Variants in ADGRV1 observed in about 807,000 individuals in gnomAD.
The protein encoded by ADGRV1 is G-protein coupled receptor 98.
In ADGRV1, 359 loss-of-function variants were observed where a neutral mutation model predicts 596.2. The ratio of observed to expected loss-of-function variants is 0.60; its 90% CI spans 0.55 to 0.66. The LOEUF (loss-of-function observed/expected upper bound fraction) is 0.66, where lower values mean the gene tolerates loss of function less well. ADGRV1 is among the 30% of genes least tolerant of loss of function. ADGRV1 has a pLI of 0.00. For synonymous variants in ADGRV1, 2,681 were observed against 2,679.2 expected (o/e 1.00, Z -0.02); for missense variants, 7,274 against 7,575.6 (o/e 0.96, Z 1.48).
At chr5:90,976,742 T>C (rs1779649266) in intron 84 of ADGRV1, among the ~76,000 whole-genome samples, 1 of 152,178 alleles carries the variant, frequency 6.6e-6, no homozygotes, top group African/African-American at 2.4e-5. Context: ...AATTTTATGA[T>C]CACTTCCTGT....
At chr5:90,830,224 A>C (rs1317696070) in intron 77 of ADGRV1, among the ~76,000 whole-genome samples, 1 of 152,194 alleles carries the variant, frequency 6.6e-6, no homozygotes, top group African/African-American at 2.4e-5. Context: ...TTTACGACAG[A>C]GTCCACAGTG....
intron 83 of ADGRV1, among the ~76,000 whole-genome samples, chr5:90,867,376 A>G (rs1768228126): frequency 6.6e-6 from 1 of 152,180 alleles, no homozygotes; most frequent in South Asian, 2.1e-4. Flanking sequence ...CATTAACCGC[A>G]AGACTATAGC....
intron 70 of ADGRV1, among the ~76,000 whole-genome samples, chr5:90,799,546 A>G (rs923434172): frequency 1.3e-5 from 2 of 152,192 alleles, no homozygotes; most frequent in Non-Finnish European, 2.9e-5. Flanking sequence ...TCAAGCTACC[A>G]TTGACTTTCT....
chr5:90,606,463 A>G (rs887345780), intron 1 of ADGRV1, among the ~76,000 whole-genome samples: 3 of 152,188 alleles, frequency 2.0e-5, no homozygotes, highest in Non-Finnish European at 2.9e-5. Context: ...TTTTTGTTCT[A>G]AGGAGAGAAA....
intron 50 of ADGRV1, among the ~76,000 whole-genome samples, chr5:90,743,252 T>C (rs1171467460): frequency 1.3e-5 from 2 of 152,188 alleles, no homozygotes; most frequent in African/African-American, 4.8e-5. Context: ...AATTTATTGA[T>C]AGCCTTTTTA....
intron 21 of ADGRV1, among the ~76,000 whole-genome samples, chr5:90,667,017 G>A (rs1279285245): frequency 2.0e-5 from 3 of 152,096 alleles, no homozygotes; most frequent in Non-Finnish European, 4.4e-5. Flanking sequence ...AGGGTAACCC[G>A]ACCTTTCTCT....
intron 1 of ADGRV1, among the ~76,000 whole-genome samples, chr5:90,571,981 CATT>C (rs2151957097): frequency 6.6e-6 from 1 of 152,190 alleles, no homozygotes; most frequent in East Asian, 1.9e-4. Context: ...CTAGTTTTCT[CATT>C]ATTTTTATGG....
intron 59 of ADGRV1, among the ~76,000 whole-genome samples, chr5:90,771,458 G>T (rs1293275895): frequency 1.3e-5 from 2 of 152,134 alleles, no homozygotes; most frequent in Non-Finnish European, 2.9e-5. Flanking sequence ...AATAATGTTT[G>T]TGAAGAAACT....
chr5:90,828,687 T>A (rs1764265149), intron 76 of ADGRV1, among the ~76,000 whole-genome samples: 1 of 152,146 alleles, frequency 6.6e-6, no homozygotes, highest in African/African-American at 2.4e-5. Context: ...GTAGTAAACA[T>A]AGGTTGTTTC....
chr5:90,665,449 C>T (rs1314098430), intron 21 of ADGRV1, among the ~76,000 whole-genome samples: 1 of 152,102 alleles, frequency 6.6e-6, no homozygotes, highest in Non-Finnish European at 1.5e-5. Flanking sequence ...TCTGTGGGAT[C>T]AGTGGTGATA....
intron 85 of ADGRV1, among the ~76,000 whole-genome samples, chr5:91,033,613 C>T (rs1784648670): frequency 6.6e-6 from 1 of 152,110 alleles, no homozygotes; most frequent in African/African-American, 2.4e-5. Context: ...GCAAACAGGG[C>T]CCTGACACCT....
chr5:90,691,085 G>A lies in ADGRV1; in HGVS notation c.6951+44G>A, dbSNP rs528295357. ...ATAGAATGACACTGTAAATCATACC[G>A]TATCTATAGTGACTAGAACAGATGG... On this transcript the variant is annotated intron_variant, in intron 31 of 89. Transcript: ENST00000405460. 2.4e-5 allele frequency: 38 copies of A among 1,607,480 alleles called. 1 individual carries two copies. The highest frequency in any genetic ancestry group is 1.5e-4 in the Admixed American group (9 of 59,964).
At chr5:91,044,132 A>G (rs1163612345) in intron 85 of ADGRV1, among the ~76,000 whole-genome samples, 1 of 152,158 alleles carries the variant, frequency 6.6e-6, no homozygotes, top group African/African-American at 2.4e-5. Flanking sequence ...TCTCTCTATC[A>G]GAACTCTCCA....
intron 50 of ADGRV1, among the ~76,000 whole-genome samples, chr5:90,736,433 T>C (rs1753228965): frequency 6.6e-6 from 1 of 152,034 alleles, no homozygotes; most frequent in Non-Finnish European, 1.5e-5. Flanking sequence ...CTGTAATTTC[T>C]TTTTTTCTTA....
intron 75 of ADGRV1, among the ~76,000 whole-genome samples, chr5:90,815,999 T>G (rs1407333919): frequency 6.6e-6 from 1 of 152,232 alleles, no homozygotes; most frequent in Non-Finnish European, 1.5e-5. Flanking sequence ...TCATATTGCC[T>G]ATTATCTGCT....
chr5:90,721,779 A>G (rs1042646458), intron 45 of ADGRV1, among the ~76,000 whole-genome samples: 2 of 152,094 alleles, frequency 1.3e-5, no homozygotes, highest in Non-Finnish European at 2.9e-5. Context: ...AGGGGTATTG[A>G]TCTTTGAGCT....
At chr5:90,657,031 T>C (rs1256848574) in intron 20 of ADGRV1, among the ~76,000 whole-genome samples, 2 of 152,088 alleles carry the variant, frequency 1.3e-5, no homozygotes, top group Non-Finnish European at 2.9e-5. Context: ...GAAATACTTC[T>C]TATGAATTCT....
At chr5:90,614,723 T>C in intron 1 of ADGRV1, 112 bp from the exon 2 acceptor site, 1 of 808,568 alleles carries the variant, frequency 1.2e-6, no homozygotes, top group South Asian at 1.5e-5. Context: ...ATTTATGTCT[T>C]AGTTGTTTGC....
At position 90,683,949 on chromosome 5, in the gene ADGRV1, A is replaced by C. The variant is rs1231163270; in HGVS notation, c.6028A>C (p.Lys2010Gln). The change falls in exon 28 of 90, where the codon AAA (lysine) becomes CAA (glutamine). Residue 2010 changes from lysine to glutamine, a missense_variant. Physicochemically the swap from Lys to Gln is moderately conservative, Grantham distance 53. Transcript: ENST00000405460. Reference protein sequence around the residue: ...SIIRLKGLMGKVLVSYATLDD... With the variant: ...SIIRLKGLMGQVLVSYATLDD... ...AATAAGGTTGAAAGGCCTCATGGGA[A>C]AAGTCCTTGTCTCATATGCAACACT... 1 of 1,613,800 alleles carries C rather than the reference A, an allele frequency of 6.2e-7. No homozygotes were observed. Among genetic ancestry groups the C allele is most frequent in the Non-Finnish European group, 8.5e-7 (1 of 1,179,862 alleles).
Sources: allele counts gnomAD v4.1 joint callset (sites outside exome capture counted in the v4.1 genomes callset), GRCh38; gene constraint gnomAD v4.1.1; transcripts MANE v1.5; gene names NCBI Gene and HGNC (gene_info 2026-07-23, HGNC 2026-07-21).